The following NRL variants were observed in gnomAD, a reference collection of about 807,000 sequenced individuals.
NRL encodes the protein neural retina leucine zipper.
NRL carries 16 observed loss-of-function variants against 12.5 expected under a neutral mutation model. The ratio of observed to expected loss-of-function variants is 1.28; its 90% CI spans 0.87 to 1.95. NRL has a LOEUF of 1.95. Ranked by LOEUF, NRL falls within the 30% of genes most tolerant of loss-of-function variation. The pLI, the probability that NRL is intolerant of heterozygous loss-of-function variation, is 0.00. For missense variants in NRL, 314 were observed against 325.8 expected, an observed-to-expected ratio of 0.96 and a Z score of 0.28; for synonymous variants, 142 against 150.9, an observed-to-expected ratio of 0.94 and a Z score of 0.43.
At chr14:24,101,334 G>A (rs183331299) in intron 1 of NRL, among the ~76,000 whole-genome samples, 1 of 152,336 alleles carries the variant, frequency 6.6e-6, no homozygotes, top group Admixed American at 6.5e-5. Flanking sequence ...GCAGAAGCTG[G>A]CGGATGGGAG....
chr14:24,100,323 G>A, intron 1 of NRL: 1 of 1,515,046 alleles, frequency 6.6e-7, no homozygotes, highest in South Asian at 1.3e-5. Flanking sequence ...AGGAGGCACA[G>A]AAGTCATGAA....
At chr14:24,084,866 T>G (rs1476111451) in intron 1 of NRL, 1 of 267,860 alleles carries the variant, frequency 3.7e-6, no homozygotes, top group Non-Finnish European at 5.7e-6. Flanking sequence ...GTGCTCAGTT[T>G]CCCAGTTCGG....
rs1156988623 is a variant in NRL at position 24,080,672 on chromosome 14, T to C, written c.*564A>G. On this transcript the variant is annotated 3_prime_UTR_variant, in exon 3 of 3. Transcript: ENST00000561028. ...CACACCAACAACCCCCAGAGCTCAC[T>C]CTTCAGGCCTTTGCTGCTCTGAGCC... 1 of 152,536 alleles carries C rather than the reference T, an allele frequency of 6.6e-6. No homozygotes were observed. The highest frequency in any genetic ancestry group is 2.4e-5 in the African/African-American group (1 of 41,392). The allele number at this position is 152,536 out of a possible 1,614,324, so 9.4% of individuals were successfully genotyped here.
Position 24,094,360 on chromosome 14 carries a change from G to C in NRL, c.-27-11485C>G. 6.6e-7 allele frequency: 1 copy of C among 1,516,402 alleles called. No individual in the cohort carries two copies. The highest frequency in any genetic ancestry group is 8.9e-7 in the Non-Finnish European group (1 of 1,127,928). 93.9% of individuals were successfully genotyped at this position (1,516,402 alleles called of 1,614,324 possible). A position where few individuals can be genotyped will look rare whatever the true frequency, so the allele number is the denominator to read the frequency against. On this transcript the variant is annotated intron_variant, in intron 1 of 2. Transcript: ENST00000561028. This position sits in a 1 kb window ranked among gnomAD's most constrained non-coding sequence, Gnocchi z 4.1. The stretch of plus-strand genomic sequence containing the variant: ...CCTTCCCCGCCTTCCATACCTCCCC[G>C]GCTCCGCTCGGTTCCTGGCCACCCC...
intron 1 of NRL, among the ~76,000 whole-genome samples, chr14:24,108,486 C>T (rs985935141): frequency 2.6e-5 from 4 of 151,760 alleles, no homozygotes; most frequent in African/African-American, 7.3e-5. Flanking sequence ...TGTAAGCCAC[C>T]ACACCTGGCT....
At chr14:24,087,013 T>G (rs1269776619) in intron 1 of NRL, among the ~76,000 whole-genome samples, 1 of 152,116 alleles carries the variant, frequency 6.6e-6, no homozygotes, top group Non-Finnish European at 1.5e-5. Flanking sequence ...CTGAGACTAA[T>G]GGGCTCAAGG....
At chr14:24,100,590 G>A in intron 1 of NRL, 1 of 1,079,274 alleles carries the variant, frequency 9.3e-7, no homozygotes, top group Non-Finnish European at 1.1e-6. Context: ...TTTAATGAAA[G>A]GAAAAGGAAG....
At position 24,092,716 on chromosome 14, in the gene NRL, C is replaced by G. The variant is rs539806562; in HGVS notation, c.-27-9841G>C. Reference sequence around the variant, plus strand: ...CTGGAGACCAGCTCTCCTTATCCCACTATGTTCCAGCATAGAACTCCAAGA... The same window carrying G: ...CTGGAGACCAGCTCTCCTTATCCCAGTATGTTCCAGCATAGAACTCCAAGA... On this transcript the variant is annotated intron_variant, in intron 1 of 2. Transcript: ENST00000561028. Among the ~76,000 whole-genome samples the G allele has an allele frequency of 1.2e-4, 19 of 152,360 alleles. No homozygotes were observed. In the East Asian group the frequency reaches 3.7e-3, roughly 29 times the overall value.
rs1445569583 is a variant in NRL, at chr14:24,081,613, C to T, written c.382-45G>A. The T allele has an allele frequency of 1.3e-6, 2 of 1,551,966 alleles. No homozygotes were observed. Among genetic ancestry groups the T allele is most frequent in the African/African-American group, 1.4e-5 (1 of 73,298 alleles). Reference sequence around the variant, plus strand: ...AAACCGGGTCAGCGCCAGGTCGCACCCGGCTCTGCCCTGAGGGCCCGACGC... The same window carrying T: ...AAACCGGGTCAGCGCCAGGTCGCACTCGGCTCTGCCCTGAGGGCCCGACGC... On this transcript the variant is annotated intron_variant, in intron 2 of 2. Transcript: ENST00000561028. The surrounding 1 kb of genome is among the most constrained non-coding windows in gnomAD (Gnocchi z 4.4).
At chr14:24,082,355 G>T in intron 2 of NRL, 113 bp downstream of exon 2, 1 of 1,339,542 alleles carries the variant, frequency 7.5e-7, no homozygotes, top group Non-Finnish European at 1.1e-6. Context: ...CCCTTCTCCT[G>T]CCCTCTGTCC....
intron 1 of NRL, among the ~76,000 whole-genome samples, chr14:24,107,514 T>C (rs1372274786): frequency 2.9e-5 from 4 of 139,778 alleles, no homozygotes; most frequent in Admixed American, 7.2e-5. Flanking sequence ...CTTCCTGCCA[T>C]AGTGGATACT....
Position 24,081,509 on chromosome 14 carries a change from C to G in NRL, c.441G>C (p.Arg147=). The change falls in exon 3 of 3, where the codon CGG becomes CGC. Residue 147 remains arginine, a synonymous_variant. Coordinates refer to ENST00000561028, the MANE Select transcript of NRL (RefSeq NM_001354768.3). The surrounding 1 kb of genome is among the most constrained non-coding windows in gnomAD (Gnocchi z 4.4). The part of the protein sequence containing the change: ...LVSMSVRELN[R]QLRGCGRDEA... The stretch of plus-strand genomic sequence containing the variant: ...CGTCGCGCCCGCAGCCCCGCAGCTG[C>G]CGGTTTAGCTCCCGCACAGACATCG... The G allele has an allele frequency of 6.2e-7, 1 of 1,602,316 alleles. No homozygotes were observed. Among genetic ancestry groups the G allele is most frequent in the Non-Finnish European group, 8.5e-7 (1 of 1,176,142 alleles).
chr14:24,108,399 G>A (rs11629244), intron 1 of NRL, among the ~76,000 whole-genome samples: 10,942 of 152,084 alleles, frequency 0.072, 475 homozygotes, highest in South Asian at 0.15. Context: ...ATGCAGTAGC[G>A]TGATCACAGC....
In NRL at chr14:24,082,800, CAA is replaced by C. The variant is rs1422511274; in HGVS notation, c.47_48del (p.Phe16Ter). 1 of 1,614,168 alleles carries C rather than the reference CAA, an allele frequency of 6.2e-7. No individual in the cohort carries two copies. Among genetic ancestry groups the C allele is most frequent in the South Asian group, 1.1e-5 (1 of 91,070 alleles). On this transcript the variant is annotated frameshift_variant, in exon 2 of 3. Transcript: ENST00000561028. LOFTEE classifies it high-confidence loss of function. Reference sequence around the variant, plus strand: ...CGCTTTACCTCAAACTTCATCAAGTCAAAGTCATTGACATATTCCATGGCCAG... The same window carrying C: ...CGCTTTACCTCAAACTTCATCAAGTCAGTCATTGACATATTCCATGGCCAG... The part of the protein sequence containing the change: ...SPLAMEYVND[F>X]DLMKFEVKRE...
chr14:24,086,443 C>T (rs2036467938), intron 1 of NRL, among the ~76,000 whole-genome samples: 1 of 152,188 alleles, frequency 6.6e-6, no homozygotes, highest in African/African-American at 2.4e-5. Flanking sequence ...ACCATTCAAG[C>T]TTCTCTGTGT....
At chr14:24,095,810 C>G (rs1400421712) in intron 1 of NRL, among the ~76,000 whole-genome samples, 1 of 152,228 alleles carries the variant, frequency 6.6e-6, no homozygotes, top group Non-Finnish European at 1.5e-5. Flanking sequence ...GGACGCTGAC[C>G]TCCTGAGAAT....
At chr14:24,114,504 A>T (rs2037490295) in intron 1 of NRL, 2 of 198,898 alleles carry the variant, frequency 1.0e-5, no homozygotes, top group African/African-American at 4.7e-5. Flanking sequence ...CTTTAGGGAC[A>T]GACAGTAAAT....
rs2036336938 is a variant in NRL, at chr14:24,082,320, C to T, written c.381+148G>A. ...AGAAGCAGAATGTAGTTTTCTCGATCTGATTGCTTTCAAGGGACCTTCTCC... is the reference window on the plus strand; with the variant it reads ...AGAAGCAGAATGTAGTTTTCTCGATTTGATTGCTTTCAAGGGACCTTCTCC... On this transcript the variant is annotated intron_variant, in intron 2 of 2. Transcript: ENST00000561028. The T allele has an allele frequency of 6.0e-6, 6 of 1,006,602 alleles. 1 individual carries two copies. In the Admixed American group the frequency reaches 1.3e-4, roughly 22 times the overall value. The allele number at this position is 1,006,602 out of a possible 1,614,324, so 62.4% of individuals were successfully genotyped here. A position where few individuals can be genotyped will look rare whatever the true frequency, so the allele number is the denominator to read the frequency against.
In NRL at chr14:24,081,063, TA is replaced by T; in HGVS notation, c.*172del. On this transcript the variant is annotated 3_prime_UTR_variant, in exon 3 of 3. Coordinates refer to ENST00000561028, the MANE Select transcript of NRL (RefSeq NM_001354768.3). This position sits in a 1 kb window ranked among gnomAD's most constrained non-coding sequence, Gnocchi z 4.4. ...CCCTCTCCAGAAAATGACCAGCATC[TA>T]AATTCGGGCATGACTTGAGGACCCA... The T allele has an allele frequency of 2.3e-6, 1 of 426,302 alleles. No individual in the cohort carries two copies. Among genetic ancestry groups the T allele is most frequent in the Non-Finnish European group, 4.0e-6 (1 of 250,374 alleles). The allele number at this position is 426,302 out of a possible 1,614,324, so 26.4% of individuals were successfully genotyped here. A position where few individuals can be genotyped will look rare whatever the true frequency, so the allele number is the denominator to read the frequency against.
Sources: allele counts gnomAD v4.1 joint callset (sites outside exome capture counted in the v4.1 genomes callset), GRCh38; gene constraint gnomAD v4.1.1; non-coding constraint Gnocchi (gnomAD v3.1); transcripts MANE v1.5; gene names NCBI Gene and HGNC (gene_info 2026-07-23, HGNC 2026-07-21).